TIAM1: variants seen among roughly 807,000 people sequenced by gnomAD.
TIAM1 encodes TIAM Rac1 associated GEF 1, also known as rho guanine nucleotide exchange factor TIAM1.
TIAM1 carries 65 observed loss-of-function variants against 163.5 expected under a neutral mutation model. The ratio of observed to expected loss-of-function variants is 0.40; its 90% confidence interval spans 0.33 to 0.49. TIAM1 has a LOEUF of 0.49. TIAM1 is among the 20% of genes least tolerant of loss of function. TIAM1 has a pLI of 0.77. For synonymous variants in TIAM1, 833 were observed against 810.1 expected (o/e 1.03, Z -0.48); for missense variants, 1,789 against 2,044.7 (o/e 0.87, Z 2.41).
intron 12 of TIAM1, among the ~76,000 whole-genome samples, chr21:31,195,691 T>C (rs2085811612): frequency 6.6e-6 from 1 of 152,236 alleles, no homozygotes; most frequent in South Asian, 2.1e-4. Flanking sequence ...TAAATCTCTA[T>C]GCTTCCATTC....
intron 1 of TIAM1, among the ~76,000 whole-genome samples, chr21:31,343,646 T>C (rs575481162): frequency 1.2e-4 from 19 of 152,270 alleles, no homozygotes; most frequent in African/African-American, 3.9e-4. Flanking sequence ...AGCTTCTGAA[T>C]ATTCCTTCGG....
chr21:31,540,989 T>C (rs551212123), intron 1 of TIAM1, among the ~76,000 whole-genome samples: 5 of 152,324 alleles, frequency 3.3e-5, no homozygotes, highest in Non-Finnish European at 5.9e-5. Context: ...TATATGGATA[T>C]ATACATCAAC....
chr21:31,499,873 CA>C (rs34314952), intron 1 of TIAM1, among the ~76,000 whole-genome samples: 82,221 of 144,932 alleles, frequency 0.57, 23,267 homozygotes, highest in East Asian at 0.82. Context: ...AAGAAGAAAA[CA>C]AAAAAAAAAA....
chr21:31,506,264 A>ACACACACT lies in TIAM1; in HGVS notation c.-421-42230_-421-42229insAGTGTGTG, dbSNP rs765513310. Among the ~76,000 whole-genome samples, 7 of 132,588 alleles carry ACACACACT rather than the reference A, an allele frequency of 5.3e-5. No individual in the cohort carries two copies. The South Asian group carries it at 1.5e-3, about 29-fold the overall frequency. The allele number at this position is 132,588 out of a possible 152,430, so 87.0% of individuals were successfully genotyped here. A position where few individuals can be genotyped will look rare whatever the true frequency, so the allele number is the denominator to read the frequency against. On this transcript the variant is annotated intron_variant, in intron 1 of 28. Coordinates refer to the TIAM1 transcript ENST00000286827. ...AACTCACGCACTCTCACACACGTAC[A>ACACACACT]CACACACACACACACACATATGCAT...
rs140883230 is a variant in TIAM1 at position 31,477,200 on chromosome 21, T to A, written c.-421-13165A>T. Among the ~76,000 whole-genome samples, 113 of 152,310 alleles carry A rather than the reference T, an allele frequency of 7.4e-4. 1 individual carries two copies. The highest frequency in any genetic ancestry group is 2.3e-3 in the African/African-American group (94 of 41,576). ...CCTAATCAGAGGGAGGTTTCCACAG[T>A]CTGTGAAATAGAAGAACTATTTTCC... On this transcript the variant is annotated intron_variant, in intron 1 of 28. Coordinates refer to the TIAM1 transcript ENST00000286827.
At chr21:31,288,721 A>G (rs1180477077) in intron 2 of TIAM1, among the ~76,000 whole-genome samples, 8 of 152,226 alleles carry the variant, frequency 5.3e-5, no homozygotes, top group Non-Finnish European at 5.9e-5. Context: ...TAAAACACAC[A>G]CAAAAACAAA....
At chr21:31,196,753 A>G (rs1265152084) in intron 12 of TIAM1, among the ~76,000 whole-genome samples, 1 of 152,194 alleles carries the variant, frequency 6.6e-6, no homozygotes, top group African/African-American at 2.4e-5. Flanking sequence ...TATACATCCA[A>G]AAGAAAATAA....
intron 1 of TIAM1, among the ~76,000 whole-genome samples, chr21:31,343,324 T>C (rs576912203): frequency 3.0e-4 from 46 of 152,306 alleles, no homozygotes; most frequent in African/African-American, 1.1e-3. Context: ...CTAAATCCTG[T>C]CTGTGAGAAG....
intron 2 of TIAM1, among the ~76,000 whole-genome samples, chr21:31,438,977 C>T (rs985623129): frequency 2.0e-5 from 3 of 152,146 alleles, no homozygotes; most frequent in South Asian, 2.1e-4. Flanking sequence ...TGATAATAAA[C>T]GCAAGAAAGA....
intron 2 of TIAM1, among the ~76,000 whole-genome samples, chr21:31,359,844 GGA>G (rs2076377921): frequency 1.4e-5 from 2 of 142,154 alleles, no homozygotes; most frequent in African/African-American, 5.5e-5. Flanking sequence ...AAGGAAGGAA[GGA>G]AGGAAGGAAG....
chr21:31,495,379 T>C (rs1180804454), intron 1 of TIAM1, among the ~76,000 whole-genome samples: 2 of 152,164 alleles, frequency 1.3e-5, no homozygotes, highest in African/African-American at 4.8e-5. Context: ...TGTGGCATCC[T>C]CCAGAGAGGA....
intron 2 of TIAM1, among the ~76,000 whole-genome samples, chr21:31,399,719 T>C (rs1176134829): frequency 6.6e-6 from 1 of 152,240 alleles, no homozygotes; most frequent in African/African-American, 2.4e-5. Flanking sequence ...TTAGCATTAT[T>C]AAAACCCATT....
At chr21:31,223,219 T>C (rs189260342) in intron 8 of TIAM1, among the ~76,000 whole-genome samples, 187 bp downstream of exon 8, 1,320 of 122,322 alleles carry the variant, frequency 0.011, 8 homozygotes, top group Non-Finnish European at 0.015. Context: ...CATCAAGAGA[T>C]AGATGCTTAA....
chr21:31,417,783 G>T (rs1288427840), intron 2 of TIAM1, among the ~76,000 whole-genome samples: 1 of 152,118 alleles, frequency 6.6e-6, no homozygotes, highest in African/African-American at 2.4e-5. Flanking sequence ...GGACAGTCTC[G>T]CTGAAAAAGA....
intron 2 of TIAM1, among the ~76,000 whole-genome samples, chr21:31,370,158 C>A (rs1422361870): frequency 1.3e-5 from 2 of 152,162 alleles, no homozygotes; most frequent in Non-Finnish European, 2.9e-5. Context: ...TCTGTTCTAT[C>A]TAAGTTACCC....
intron 14 of TIAM1, among the ~76,000 whole-genome samples, chr21:31,184,318 C>G (rs1011488324): frequency 4.6e-5 from 7 of 152,176 alleles, no homozygotes; most frequent in African/African-American, 1.7e-4. Context: ...GTTAGCCAGG[C>G]TGGTCTGGAA....
chr21:31,557,122 GAAGA>G (rs917974086), intron 1 of TIAM1, among the ~76,000 whole-genome samples: 1 of 152,140 alleles, frequency 6.6e-6, no homozygotes, highest in African/African-American at 2.4e-5. Context: ...GAATCTTGAA[GAAGA>G]AAGAAGAAAC....
intron 2 of TIAM1, among the ~76,000 whole-genome samples, chr21:31,428,792 AG>A (rs1742258763): frequency 6.7e-6 from 1 of 149,704 alleles, no homozygotes; most frequent in Non-Finnish European, 1.5e-5. Flanking sequence ...CTGAGGTGGG[AG>A]GCCTTCTTGA....
intron 19 of TIAM1, among the ~76,000 whole-genome samples, chr21:31,147,513 A>G (rs1485523911): frequency 1.3e-5 from 2 of 151,664 alleles, no homozygotes; most frequent in Non-Finnish European, 2.9e-5. Flanking sequence ...ACGCTCAACT[A>G]TGGAAGTCAG....
Sources: allele counts gnomAD v4.1 joint callset (sites outside exome capture counted in the v4.1 genomes callset), GRCh38; gene constraint gnomAD v4.1.1; transcripts MANE v1.5; gene names NCBI Gene and HGNC (gene_info 2026-07-23, HGNC 2026-07-21).